The following TNNI3K variants were observed in gnomAD, a reference collection of about 807,000 sequenced individuals.
TNNI3K encodes the protein TNNI3 interacting kinase.
In TNNI3K, 140 loss-of-function variants were observed where a neutral mutation model predicts 114.5. The observed-to-expected ratio is 1.22, with a 90% CI of 1.07 to 1.41. The LOEUF (loss-of-function observed/expected upper bound fraction) is 1.41. Among genes scored for constraint, TNNI3K ranks in the 40% most tolerant of loss-of-function variants. TNNI3K has a pLI of 0.00. For missense variants in TNNI3K, 1,125 were observed against 1,007.6 expected (o/e 1.12, Z -1.58); for synonymous variants, 347 against 347.5 (o/e 1.00, Z 0.02).
chr1:74,460,410 A>G (rs1460377620), intron 20 of TNNI3K, among the ~76,000 whole-genome samples: 1 of 152,184 alleles, frequency 6.6e-6, no homozygotes, highest in Non-Finnish European at 1.5e-5. Flanking sequence ...TATTATTTCT[A>G]CTAAACTATT....
intron 20 of TNNI3K, among the ~76,000 whole-genome samples, chr1:74,462,434 A>C (rs1667490849): frequency 6.6e-6 from 1 of 152,228 alleles, no homozygotes; most frequent in African/African-American, 2.4e-5. Context: ...TTTGTGAGGA[A>C]TAGACAGGGC....
intron 5 of TNNI3K, among the ~76,000 whole-genome samples, chr1:74,305,904 G>T (rs939150654): frequency 5.9e-5 from 9 of 151,642 alleles, no homozygotes; most frequent in African/African-American, 2.2e-4. Flanking sequence ...AGTTTCAGGG[G>T]GCACATGTGC....
intron 6 of TNNI3K, among the ~76,000 whole-genome samples, chr1:74,332,905 C>G (rs1202376597): frequency 7.5e-6 from 1 of 133,006 alleles, no homozygotes; most frequent in Admixed American, 8.8e-5. Context: ...TTCTATGTTT[C>G]TTTAAAACAC....
At chr1:74,439,324 A>T (rs1213426657) in intron 19 of TNNI3K, 166 bp from the exon 20 acceptor site, 1 of 1,073,838 alleles carries the variant, frequency 9.3e-7, no homozygotes, top group African/African-American at 1.6e-5. Context: ...ATGTATAAAC[A>T]TGTTTATTGC....
At chr1:74,403,170 A>G (rs548294883) in intron 17 of TNNI3K, among the ~76,000 whole-genome samples, 12 of 152,266 alleles carry the variant, frequency 7.9e-5, no homozygotes, top group African/African-American at 2.9e-4. Context: ...AGTGACCCAT[A>G]ATTCTGGAGT....
intron 17 of TNNI3K, among the ~76,000 whole-genome samples, chr1:74,386,713 C>T (rs1453251420): frequency 6.6e-6 from 1 of 152,148 alleles, no homozygotes; most frequent in African/African-American, 2.4e-5. Flanking sequence ...GATCCAAGGT[C>T]AGCTTAGCCC....
At position 74,470,630 on chromosome 1, in the gene TNNI3K, G is replaced by GT. The variant is rs1293325568; in HGVS notation, c.2121+7088dup. On this transcript the variant is annotated intron_variant, in intron 21 of 24. Transcript: ENST00000326637. Reference sequence around the variant, plus strand: ...GAATCATAAGTTTCTGTTTTTGAAAGTTTTTTTTCTACATCATTTTCTTCC... The same window carrying GT: ...GAATCATAAGTTTCTGTTTTTGAAAGTTTTTTTTTCTACATCATTTTCTTCC... 14 of 400,280 alleles carry GT rather than the reference G, an allele frequency of 3.5e-5. No homozygotes were observed. The East Asian group carries it at 5.0e-4, about 14-fold the overall frequency. The allele number at this position is 400,280 out of a possible 1,614,324, so 24.8% of individuals were successfully genotyped here.
intron 21 of TNNI3K, among the ~76,000 whole-genome samples, chr1:74,477,064 A>G (rs1488162826): frequency 1.3e-5 from 2 of 152,164 alleles, no homozygotes; most frequent in African/African-American, 2.4e-5. Context: ...GCACATTTTT[A>G]AAGTTGTAGC....
intron 5 of TNNI3K, among the ~76,000 whole-genome samples, chr1:74,314,072 TA>T: frequency 8.6e-4 from 1 of 1,162 alleles, no homozygotes; most frequent in African/African-American, 1.3e-3. Flanking sequence ...TATATATATA[TA>T]TATATATGTA....
At chr1:74,508,115 G>A (rs1205728592) in intron 23 of TNNI3K, among the ~76,000 whole-genome samples, 1 of 152,232 alleles carries the variant, frequency 6.6e-6, no homozygotes, top group Non-Finnish European at 1.5e-5. Context: ...AGGAGAGGCA[G>A]GCATGTGGAT....
chr1:74,244,353 A>G (rs1654427942), intron 2 of TNNI3K, among the ~76,000 whole-genome samples: 1 of 152,120 alleles, frequency 6.6e-6, no homozygotes. Flanking sequence ...TAAAGCAAGG[A>G]ACTCTTTAGG....
chr1:74,521,031 G>T (rs1392254397), intron 23 of TNNI3K, among the ~76,000 whole-genome samples: 3 of 152,156 alleles, frequency 2.0e-5, no homozygotes, highest in Non-Finnish European at 4.4e-5. Context: ...CTCTGCTCTG[G>T]TTGCCCTGAC....
At chr1:74,387,587 T>C (rs1663552169) in intron 17 of TNNI3K, among the ~76,000 whole-genome samples, 3 of 152,186 alleles carry the variant, frequency 2.0e-5, no homozygotes, top group Non-Finnish European at 4.4e-5. Flanking sequence ...GAATTTACCA[T>C]GAGCTTTGGT....
intron 5 of TNNI3K, among the ~76,000 whole-genome samples, chr1:74,279,031 T>C (rs1264310317): frequency 2.0e-5 from 3 of 152,196 alleles, no homozygotes; most frequent in African/African-American, 7.2e-5. Flanking sequence ...TTCTACTACC[T>C]GTCTATTTTC....
At position 74,443,105 on chromosome 1, in the gene TNNI3K, G is replaced by A. The variant is rs543361124; in HGVS notation, c.2011+3483G>A. ...CCTAACAATTACAACAAAAACAACTGGAGAACCAAGAGAAAACAACCACCA... is the reference window on the plus strand; with the variant it reads ...CCTAACAATTACAACAAAAACAACTAGAGAACCAAGAGAAAACAACCACCA... On this transcript the variant is annotated intron_variant, in intron 20 of 24. Transcript: ENST00000326637. Among the ~76,000 whole-genome samples the A allele has an allele frequency of 2.6e-5, 4 of 151,872 alleles. No individual in the cohort carries two copies. The East Asian group carries it at 7.7e-4, about 29-fold the overall frequency.
At chr1:74,380,442 A>G (rs1405612929) in intron 17 of TNNI3K, among the ~76,000 whole-genome samples, 1 of 152,100 alleles carries the variant, frequency 6.6e-6, no homozygotes, top group Non-Finnish European at 1.5e-5. Context: ...GCTCAAAGCT[A>G]GCGTGGTAAC....
rs765533606 is a variant in TNNI3K at position 74,464,764 on chromosome 1, C to T, written c.2121+1214C>T. The stretch of plus-strand genomic sequence containing the variant: ...ATAACCTCTTATCCTGGCCATTCAA[C>T]CTGATGTGTTACATGTTTATTTGTT... On this transcript the variant is annotated intron_variant, in intron 21 of 24. Coordinates refer to ENST00000326637, the MANE Select transcript of TNNI3K (RefSeq NM_015978.3). 8.4e-6 allele frequency: 13 copies of T among 1,554,176 alleles called. 1 individual carries two copies. The South Asian group carries it at 1.3e-4, about 16-fold the overall frequency.
intron 23 of TNNI3K, among the ~76,000 whole-genome samples, chr1:74,539,841 ACTT>A (rs1395221584): frequency 6.6e-6 from 1 of 151,896 alleles, no homozygotes; most frequent in Admixed American, 6.6e-5. Context: ...TAATAATAAT[ACTT>A]CTTGGGATGT....
chr1:74,467,291 T>TTTCTAA (rs1328946840), intron 21 of TNNI3K, among the ~76,000 whole-genome samples: 170 of 152,324 alleles, frequency 1.1e-3, no homozygotes, highest in African/African-American at 3.8e-3. Context: ...GACACTAACA[T>TTTCTAA]CATGCTATTC....
Sources: gnomAD v4.1 joint callset for allele counts (sites outside exome capture counted in the v4.1 genomes callset) on GRCh38, gnomAD v4.1.1 for gene constraint, MANE v1.5 for transcripts, NCBI Gene and HGNC (gene_info 2026-07-23, HGNC 2026-07-21) for gene names.